C1orf146: variants seen among roughly 807,000 people sequenced by gnomAD.
C1orf146 encodes the protein chromosome 1 open reading frame 146, also known as protein SPO16 homolog.
In C1orf146, 22 loss-of-function variants were observed where a neutral mutation model predicts 23.0. That is an observed-to-expected ratio of 0.96 (90% CI 0.68 to 1.36). The LOEUF (loss-of-function observed/expected upper bound fraction) is 1.36. Ranked by LOEUF, C1orf146 falls within the 40% of genes most tolerant of loss-of-function variation. C1orf146 has a pLI of 0.00. For synonymous variants in C1orf146, 59 were observed against 65.3 expected, an observed-to-expected ratio of 0.90 and a Z score of 0.47; for missense variants, 199 against 206.8, an observed-to-expected ratio of 0.96 and a Z score of 0.23.
intron 1 of C1orf146, among the ~76,000 whole-genome samples, chr1:92,226,219 A>G (rs926879707): frequency 2.6e-5 from 4 of 152,054 alleles, no homozygotes; most frequent in African/African-American, 7.2e-5. Context: ...TTTGTAGTAC[A>G]CCACTTTGAT....
chr1:92,219,049 A>G (rs1223628276), intron 1 of C1orf146, among the ~76,000 whole-genome samples: 1 of 152,226 alleles, frequency 6.6e-6, no homozygotes, highest in Admixed American at 6.5e-5. Flanking sequence ...AAGGGTGTAA[A>G]GATTTAAATG....
At chr1:92,222,931 A>G (rs555308552) in intron 1 of C1orf146, among the ~76,000 whole-genome samples, 7 of 152,176 alleles carry the variant, frequency 4.6e-5, no homozygotes, top group Middle Eastern at 3.4e-3. Context: ...AATATGTGCT[A>G]TGCTTTTGGG....
chr1:92,219,490 C>CTCTT lies in C1orf146; in HGVS notation c.-40+1448_-40+1451dup, dbSNP rs1302468027. Among the ~76,000 whole-genome samples, 47 of 99,658 alleles carry CTCTT rather than the reference C, an allele frequency of 4.7e-4. 1 individual carries two copies. Among genetic ancestry groups the CTCTT allele is most frequent in the Non-Finnish European group, 8.0e-4 (39 of 48,652 alleles). 65.4% of individuals were successfully genotyped at this position (99,658 alleles called of 152,430 possible). Reference sequence around the variant, plus strand: ...ACTTACCATCACTGAAAGTGACTTTCTCTTTCTTTTTTTTTTTTTTTTTTT... The same window carrying CTCTT: ...ACTTACCATCACTGAAAGTGACTTTCTCTTTCTTTCTTTTTTTTTTTTTTTTTTT... On this transcript the variant is annotated intron_variant, in intron 1 of 5. Transcript: ENST00000370375.
chr1:92,219,359 C>T (rs1390464483), intron 1 of C1orf146, among the ~76,000 whole-genome samples: 1 of 152,026 alleles, frequency 6.6e-6, no homozygotes, highest in Non-Finnish European at 1.5e-5. Context: ...TTCATTCATG[C>T]AATAAATGAG....
rs1652598466 is a variant in C1orf146 at position 92,245,623 on chromosome 1, G to C, written c.492G>C (p.Trp164Cys). ...ACATCATTGAGCAAAGTCCTGTTTG[G>C]AAAACACTTCAGAAGATAAAACTGA... Reference protein sequence around the residue: ...KAYIIEQSPVWKTLQKIKLNS... With the variant: ...KAYIIEQSPVCKTLQKIKLNS... The change falls in exon 6 of 6, where the codon TGG (tryptophan) becomes TGC (cysteine). Residue 164 changes from tryptophan (W) to cysteine (C), a missense_variant. Trp to Cys is a radical substitution (Grantham distance 215, BLOSUM62 -2). Coordinates refer to ENST00000370375, the MANE Select transcript of C1orf146 (RefSeq NM_001012425.2). 6.3e-7 allele frequency: 1 copy of C among 1,599,580 alleles called. No individual in the cohort carries two copies. Among genetic ancestry groups the C allele is most frequent in the Non-Finnish European group, 8.5e-7 (1 of 1,174,808 alleles).
intron 1 of C1orf146, among the ~76,000 whole-genome samples, chr1:92,229,589 T>A (rs552426739): frequency 1.3e-5 from 2 of 152,206 alleles, no homozygotes; most frequent in Non-Finnish European, 1.5e-5. Flanking sequence ...CCAACTCCAG[T>A]GTGCAGCAAG....
At chr1:92,244,693 A>G (rs1468891182) in intron 4 of C1orf146, 86 bp from the exon 5 acceptor site, 3 of 866,972 alleles carry the variant, frequency 3.5e-6, no homozygotes, top group Non-Finnish European at 5.6e-6. Context: ...ATAACAAACA[A>G]TAGAGATTTG....
rs187735932 is a variant in C1orf146, at chr1:92,243,014, C to A, written c.160+709C>A. Among the ~76,000 whole-genome samples the A allele has an allele frequency of 1.6e-3, 249 of 152,296 alleles. 1 individual carries two copies. The highest frequency in any genetic ancestry group is 5.7e-3 in the African/African-American group (238 of 41,548). On this transcript the variant is annotated intron_variant, in intron 3 of 5. Transcript: ENST00000370375. ...AAAGTGGTATCGCCTCAAACTTATT[C>A]TTCTGGTTAAATACAGAACCCTCCA...
chr1:92,244,337 C>T lies in C1orf146; in HGVS notation c.281C>T (p.Ala94Val), dbSNP rs1452640395. 1.2e-5 allele frequency: 20 copies of T among 1,612,926 alleles called. No individual in the cohort carries two copies. Among genetic ancestry groups the T allele is most frequent in the Non-Finnish European group, 1.7e-5 (20 of 1,179,460 alleles). ...HQNSFLVLSAALHGPEEWKLM... is the reference protein window; with the variant it reads ...HQNSFLVLSAVLHGPEEWKLM... Reference sequence around the variant, plus strand: ...AATAGTTTTTTGGTTTTGTCTGCTGCCCTCCATGGGCCTGAAGAATGGAAA... The same window carrying T: ...AATAGTTTTTTGGTTTTGTCTGCTGTCCTCCATGGGCCTGAAGAATGGAAA... Residue 94 changes from alanine to valine, a missense_variant, in exon 4 of 6, where the codon GCC (alanine) becomes GTC (valine). Transcript: ENST00000370375.
intron 2 of C1orf146, among the ~76,000 whole-genome samples, chr1:92,232,795 G>A (rs1414153921): frequency 6.6e-6 from 1 of 151,678 alleles, no homozygotes; most frequent in African/African-American, 2.4e-5. Context: ...TTTAATGATT[G>A]CCATTCTAAC....
intron 2 of C1orf146, among the ~76,000 whole-genome samples, chr1:92,237,113 G>A (rs1652299515): frequency 6.6e-6 from 1 of 152,218 alleles, no homozygotes. Context: ...ACTCGTTAAA[G>A]TCATTCTCTG....
chr1:92,238,471 A>C (rs1652350212), intron 2 of C1orf146, among the ~76,000 whole-genome samples: 1 of 152,246 alleles, frequency 6.6e-6, no homozygotes, highest in Non-Finnish European at 1.5e-5. Context: ...AATCCGGAGC[A>C]TCTTTTAATA....
intron 2 of C1orf146, among the ~76,000 whole-genome samples, chr1:92,236,322 A>G (rs530199087): frequency 1.3e-5 from 2 of 152,030 alleles, no homozygotes; most frequent in African/African-American, 4.8e-5. Context: ...AAAATCTCTC[A>G]GCATTTGCTT....
chr1:92,221,921 T>C (rs186277297), intron 1 of C1orf146, among the ~76,000 whole-genome samples: 27 of 152,306 alleles, frequency 1.8e-4, no homozygotes, highest in African/African-American at 6.5e-4. Flanking sequence ...CACTTATCAT[T>C]ATTGAATATT....
At position 92,244,280 on chromosome 1, in the gene C1orf146, C is replaced by T; in HGVS notation, c.224C>T (p.Ala75Val). ...CTGTCAACTGAAGAAATATTTCTAG[C>T]CAAAATTGAGAAATTTATTAACATT... Reference protein sequence around the residue: ...CLLSTEEIFLAKIEKFINIHQ... With the variant: ...CLLSTEEIFLVKIEKFINIHQ... The change falls in exon 4 of 6, where the codon GCC becomes GTC. Residue 75 changes from alanine (A) to valine (V), a missense_variant. Physicochemically the swap from Ala to Val is moderately conservative, Grantham distance 64. Coordinates refer to ENST00000370375, the MANE Select transcript of C1orf146 (RefSeq NM_001012425.2). 6.2e-7 allele frequency: 1 copy of T among 1,609,376 alleles called. No individual in the cohort carries two copies. Among genetic ancestry groups the T allele is most frequent in the East Asian group, 2.2e-5 (1 of 44,812 alleles).
rs993106260 is a variant in C1orf146 at position 92,245,628 on chromosome 1, C to T, written c.497C>T (p.Thr166Ile). Residue 166 changes from threonine (T) to isoleucine (I), a missense_variant, in exon 6 of 6, where the codon ACA (threonine) becomes ATA (isoleucine). Coordinates refer to ENST00000370375, the MANE Select transcript of C1orf146 (RefSeq NM_001012425.2). ...ATTGAGCAAAGTCCTGTTTGGAAAA[C>T]ACTTCAGAAGATAAAACTGAATAGT... ...YIIEQSPVWK[T>I]LQKIKLNSDS... The T allele has an allele frequency of 1.9e-6, 3 of 1,599,162 alleles. No individual in the cohort carries two copies. The Admixed American group carries it at 5.4e-5, about 29-fold the overall frequency.
chr1:92,231,758 A>G (rs1652127849), intron 2 of C1orf146, among the ~76,000 whole-genome samples: 1 of 151,882 alleles, frequency 6.6e-6, no homozygotes, highest in African/African-American at 2.4e-5. Context: ...ATGTTAAGGA[A>G]TTCCGGAAAC....
At chr1:92,229,339 C>G (rs1291680028) in intron 1 of C1orf146, 1 of 546,524 alleles carries the variant, frequency 1.8e-6, no homozygotes, top group African/African-American at 1.9e-5. Flanking sequence ...GATTCCATGC[C>G]CAGGAAGGAA....
At chr1:92,235,972 C>T (rs959991626) in intron 2 of C1orf146, among the ~76,000 whole-genome samples, 2 of 152,118 alleles carry the variant, frequency 1.3e-5, no homozygotes, top group Admixed American at 1.3e-4. Context: ...GGTAGATCTT[C>T]CTCCATCCTT....
Sources: allele counts gnomAD v4.1 joint callset (sites outside exome capture counted in the v4.1 genomes callset), GRCh38; gene constraint gnomAD v4.1.1; transcripts MANE v1.5; gene names NCBI Gene and HGNC (gene_info 2026-07-23, HGNC 2026-07-21).